Variants in LRRC7 observed in about 807,000 individuals in gnomAD.
LRRC7 encodes the protein leucine rich repeat containing 7, also known as leucine-rich repeat-containing protein 7.
LRRC7 carries 23 observed loss-of-function variants against 175.7 expected under a neutral mutation model. That is an observed-to-expected ratio of 0.13 (90% CI 0.09 to 0.19). The LOEUF (loss-of-function observed/expected upper bound fraction) is 0.19, where lower values mean the gene tolerates loss of function less well. LRRC7 is among the 10% of genes least tolerant of loss of function. The probability of loss-of-function intolerance (pLI) is 1.00; values close to 1 mark genes in which losing one functional copy is unlikely to be tolerated. For missense variants in LRRC7, 1,354 were observed against 1,904.7 expected (o/e 0.71, Z 5.38); for synonymous variants, 685 against 680.9 (o/e 1.01, Z -0.09).
At chr1:69,725,371 T>C (rs1666838837) in intron 2 of LRRC7, among the ~76,000 whole-genome samples, 1 of 152,158 alleles carries the variant, frequency 6.6e-6, no homozygotes, top group Admixed American at 6.5e-5. Flanking sequence ...GGGTCAACTG[T>C]ACTAACTCCA....
intron 1 of LRRC7, among the ~76,000 whole-genome samples, chr1:69,580,801 T>A (rs893942510): frequency 6.6e-5 from 10 of 152,220 alleles, no homozygotes; most frequent in African/African-American, 2.4e-4. Flanking sequence ...TAAATAATAA[T>A]TCTAGGGATA....
In LRRC7 at chr1:70,123,768, T is replaced by A. The variant is rs1046155521; in HGVS notation, c.*1881T>A. 9.9e-5 allele frequency among the ~76,000 whole-genome samples: 15 copies of A among 152,162 alleles called. No individual in the cohort carries two copies. Among genetic ancestry groups the A allele is most frequent in the Non-Finnish European group, 2.2e-4 (15 of 68,030 alleles). ...TGAAAACTCATGTCAAGCCACCATA[T>A]CCAGATATTATAGGATGATCATCAT... On this transcript the variant is annotated 3_prime_UTR_variant, in exon 27 of 27. Transcript: ENST00000651989.
At chr1:69,710,137 G>T (rs1464791162) in intron 2 of LRRC7, among the ~76,000 whole-genome samples, 2 of 151,888 alleles carry the variant, frequency 1.3e-5, no homozygotes, top group Non-Finnish European at 2.9e-5. Flanking sequence ...AATTAGCCAG[G>T]TGTGGTGATG....
intron 2 of LRRC7, among the ~76,000 whole-genome samples, chr1:69,745,789 C>T (rs891764523): frequency 1.3e-5 from 2 of 151,786 alleles, no homozygotes; most frequent in African/African-American, 2.4e-5. Flanking sequence ...AGGAAATAAT[C>T]TACTACATTA....
rs1172594528 is a variant in LRRC7, at chr1:69,710,121, C to CA, written c.100+31650dup. Among the ~76,000 whole-genome samples the CA allele has an allele frequency of 1.3e-4, 20 of 151,280 alleles. No individual in the cohort carries two copies. The South Asian group carries it at 1.5e-3, about 11-fold the overall frequency. ...TGAAACCCCATATTTACTAAAAATA[C>CA]AAAAAAATTAGCCAGGTGTGGTGAT... is the stretch of plus-strand genomic sequence containing the variant. On this transcript the variant is annotated intron_variant, in intron 2 of 26. Coordinates refer to ENST00000651989, the MANE Select transcript of LRRC7 (RefSeq NM_001370785.2).
chr1:70,014,812 G>A (rs1290387066), intron 13 of LRRC7, among the ~76,000 whole-genome samples: 1 of 152,008 alleles, frequency 6.6e-6, no homozygotes, highest in African/African-American at 2.4e-5. Context: ...GCACATTTAT[G>A]TTACCAAATA....
intron 7 of LRRC7, among the ~76,000 whole-genome samples, chr1:69,888,776 G>T (rs557044257): frequency 1.3e-5 from 2 of 152,126 alleles, no homozygotes; most frequent in Non-Finnish European, 2.9e-5. Flanking sequence ...CTGTTTGGGG[G>T]TAGGGAAGAT....
chr1:69,683,807 T>C (rs1660789636), intron 2 of LRRC7, among the ~76,000 whole-genome samples: 1 of 151,972 alleles, frequency 6.6e-6, no homozygotes, highest in South Asian at 2.1e-4. Context: ...AAACTAAACA[T>C]GAAGATCAGA....
intron 21 of LRRC7, among the ~76,000 whole-genome samples, chr1:70,040,865 A>T (rs1285246342): frequency 6.6e-6 from 1 of 152,076 alleles, no homozygotes; most frequent in Non-Finnish European, 1.5e-5. Context: ...ATATGCAGGG[A>T]TCAGGGACAG....
At position 69,717,770 on chromosome 1, in the gene LRRC7, A is replaced by AAG. The variant is rs1665559997; in HGVS notation, c.100+39293_100+39294insGA. Among the ~76,000 whole-genome samples, 36 of 42,424 alleles carry AAG rather than the reference A, an allele frequency of 8.5e-4. 1 individual carries two copies. Among genetic ancestry groups the AAG allele is most frequent in the African/African-American group, 3.8e-3 (33 of 8,734 alleles). 27.8% of individuals were successfully genotyped at this position (42,424 alleles called of 152,430 possible). On this transcript the variant is annotated intron_variant, in intron 2 of 26. Transcript: ENST00000651989. The stretch of plus-strand genomic sequence containing the variant: ...GATATTGGAACATGAAAAAAAGAAA[A>AAG]AAAGAAAGAAAGAAAGAAAGAAAGA...
Position 70,125,160 on chromosome 1 carries a change from A to G in LRRC7, c.*3273A>G, listed in dbSNP as rs1327896578. On this transcript the variant is annotated 3_prime_UTR_variant, in exon 27 of 27. Coordinates refer to ENST00000651989, the MANE Select transcript of LRRC7 (RefSeq NM_001370785.2). ...CAAAGTCAGTATGAAATAAAACATTATGCTAATGTATTGCTCATTGAAGCC... is the reference window on the plus strand; with the variant it reads ...CAAAGTCAGTATGAAATAAAACATTGTGCTAATGTATTGCTCATTGAAGCC... Among the ~76,000 whole-genome samples the G allele has an allele frequency of 6.6e-6, 1 of 152,248 alleles. No homozygotes were observed. The highest frequency in any genetic ancestry group is 1.5e-5 in the Non-Finnish European group (1 of 68,044).
At position 70,139,399 on chromosome 1, in the gene LRRC7, T is replaced by C. The variant is rs1027453174; in HGVS notation, c.*17512T>C. The stretch of plus-strand genomic sequence containing the variant: ...GAAAACAAGCATGTCTAGTGAAATC[T>C]GTCCAGTGTACGTAACACTGCACAA... On this transcript the variant is annotated 3_prime_UTR_variant, in exon 27 of 27. Transcript: ENST00000651989. 1 of 152,246 alleles carries C rather than the reference T, an allele frequency of 6.6e-6. No homozygotes were observed. The highest frequency in any genetic ancestry group is 1.5e-5 in the Non-Finnish European group (1 of 68,036). 9.4% of individuals were successfully genotyped at this position (152,246 alleles called of 1,614,324 possible).
At chr1:69,575,356 C>T (rs1645904795) in intron 1 of LRRC7, among the ~76,000 whole-genome samples, 1 of 152,168 alleles carries the variant, frequency 6.6e-6, no homozygotes, top group South Asian at 2.1e-4. Flanking sequence ...TTTGATGACA[C>T]TATCCAAAAA....
chr1:69,743,806 C>A (rs895289959), intron 2 of LRRC7, among the ~76,000 whole-genome samples: 1 of 151,608 alleles, frequency 6.6e-6, no homozygotes. Context: ...AGAGTCTGTA[C>A]AGAGGGAAAA....
chr1:69,706,592 A>G (rs1664066802), intron 2 of LRRC7, among the ~76,000 whole-genome samples: 1 of 152,260 alleles, frequency 6.6e-6, no homozygotes, highest in East Asian at 1.9e-4. Context: ...CTGTTTTTTT[A>G]AAGCTGCAAG....
At chr1:69,570,648 A>G (rs1044726635) in intron 1 of LRRC7, among the ~76,000 whole-genome samples, 1 of 152,110 alleles carries the variant, frequency 6.6e-6, no homozygotes, top group Admixed American at 6.5e-5. Context: ...CTCTAAGGGA[A>G]CTACCACGAG....
At chr1:69,588,555 G>T (rs1280192245) in intron 1 of LRRC7, among the ~76,000 whole-genome samples, 1 of 152,104 alleles carries the variant, frequency 6.6e-6, no homozygotes, top group Non-Finnish European at 1.5e-5. Context: ...CTTTGACATT[G>T]TAAAACCTAA....
intron 2 of LRRC7, among the ~76,000 whole-genome samples, chr1:69,741,464 A>G (rs1668702804): frequency 6.6e-6 from 1 of 152,008 alleles, no homozygotes; most frequent in Non-Finnish European, 1.5e-5. Flanking sequence ...AAAGAAAAGA[A>G]AAGAATCATG....
chr1:69,945,667 C>T (rs1287146284), intron 8 of LRRC7, among the ~76,000 whole-genome samples: 1 of 152,012 alleles, frequency 6.6e-6, no homozygotes, highest in Non-Finnish European at 1.5e-5. Flanking sequence ...CTATCTTCTT[C>T]AATTTATTTC....
Sources: gnomAD v4.1 joint callset for allele counts (sites outside exome capture counted in the v4.1 genomes callset) on GRCh38, gnomAD v4.1.1 for gene constraint, MANE v1.5 for transcripts, NCBI Gene and HGNC (gene_info 2026-07-23, HGNC 2026-07-21) for gene names.